Variants in MED30 observed in about 807,000 individuals in gnomAD.
The protein encoded by MED30 is mediator complex subunit 30.
MED30 carries 8 observed loss-of-function variants against 21.7 expected under a neutral mutation model. The observed-to-expected ratio is 0.37, with a 90% CI of 0.22 to 0.67. MED30 has a LOEUF of 0.67. Ranked by LOEUF, MED30 falls within the 30% of genes least tolerant of loss-of-function variation. The probability of loss-of-function intolerance (pLI) is 0.58; values close to 1 mark genes in which losing one functional copy is unlikely to be tolerated. For synonymous variants in MED30, 79 were observed against 86.7 expected (o/e 0.91, Z 0.49); for missense variants, 203 against 228.2 (o/e 0.89, Z 0.71).
intron 1 of MED30, chr8:117,523,916 A>T: frequency 2.9e-6 from 1 of 342,714 alleles, no homozygotes; most frequent in Admixed American, 4.0e-5. Context: ...CTGGGGCAGG[A>T]GAATCGCTTG....
chr8:117,521,705 CTTTT>C (rs138146295), intron 1 of MED30, among the ~76,000 whole-genome samples: 1 of 147,506 alleles, frequency 6.8e-6, no homozygotes, highest in Non-Finnish European at 1.5e-5. Flanking sequence ...AGTATGTGGG[CTTTT>C]TTTTTTGTCT....
At chr8:117,535,555 G>T (rs1818864635) in intron 3 of MED30, among the ~76,000 whole-genome samples, 1 of 151,608 alleles carries the variant, frequency 6.6e-6, no homozygotes, top group African/African-American at 2.4e-5. Context: ...TTCCGTAATG[G>T]CACACACACC....
At chr8:117,532,824 G>T (rs1586864418) in intron 3 of MED30, among the ~76,000 whole-genome samples, 1 of 151,966 alleles carries the variant, frequency 6.6e-6, no homozygotes, top group South Asian at 2.1e-4. Flanking sequence ...TTGGTAGAGG[G>T]TGAGGAGGAG....
chr8:117,540,043 C>G lies in MED30; in HGVS notation c.*65C>G. 1 of 912,566 alleles carries G rather than the reference C, an allele frequency of 1.1e-6. No individual in the cohort carries two copies. Among genetic ancestry groups the G allele is most frequent in the Non-Finnish European group, 1.6e-6 (1 of 619,448 alleles). The allele number at this position is 912,566 out of a possible 1,614,324, so 56.5% of individuals were successfully genotyped here. ...TTGTTTTTTCCCTCAAGTATTTTTT[C>G]CCTGTGAAGAAGATTATTTATCTGC... On this transcript the variant is annotated 3_prime_UTR_variant, in exon 4 of 4. Coordinates refer to ENST00000297347, the MANE Select transcript of MED30 (RefSeq NM_080651.4).
chr8:117,531,448 A>G (rs1818790676), intron 3 of MED30, among the ~76,000 whole-genome samples: 1 of 152,030 alleles, frequency 6.6e-6, no homozygotes, highest in Non-Finnish European at 1.5e-5. Context: ...TGACAAATAT[A>G]GATTGCCCCT....
At chr8:117,526,898 T>C (rs1057301088) in intron 1 of MED30, among the ~76,000 whole-genome samples, 3 of 152,026 alleles carry the variant, frequency 2.0e-5, no homozygotes, top group African/African-American at 7.2e-5. Context: ...ACAGTATTTA[T>C]CAAGAGTTCT....
At chr8:117,535,308 G>T (rs1199363965) in intron 3 of MED30, among the ~76,000 whole-genome samples, 2 of 145,194 alleles carry the variant, frequency 1.4e-5, no homozygotes, top group African/African-American at 5.2e-5. Context: ...GCAGTGGCAC[G>T]ATCTCGGCTC....
At position 117,520,784 on chromosome 8, in the gene MED30, G is replaced by A. The variant is rs1047731937; in HGVS notation, c.-93G>A. 3 of 1,324,074 alleles carry A rather than the reference G, an allele frequency of 2.3e-6. No homozygotes were observed. The highest frequency in any genetic ancestry group is 3.0e-6 in the Non-Finnish European group (3 of 993,786). 82.0% of individuals were successfully genotyped at this position (1,324,074 alleles called of 1,614,324 possible). ...GGGCCGCGGGGGGTCTCTCAAGCTG[G>A]TTCCAACGCTGAGGCCCCACAGCCT... On this transcript the variant is annotated 5_prime_UTR_variant, in exon 1 of 4. Coordinates refer to ENST00000297347, the MANE Select transcript of MED30 (RefSeq NM_080651.4).
At chr8:117,535,526 C>T (rs1048738806) in intron 3 of MED30, among the ~76,000 whole-genome samples, 1 of 151,866 alleles carries the variant, frequency 6.6e-6, no homozygotes, top group Non-Finnish European at 1.5e-5. Context: ...CTGCACCCAG[C>T]CGATACATCT....
At chr8:117,538,905 A>C (rs1476381192) in intron 3 of MED30, among the ~76,000 whole-genome samples, 1 of 152,204 alleles carries the variant, frequency 6.6e-6, no homozygotes, top group Non-Finnish European at 1.5e-5. Context: ...AGGAGATTGC[A>C]ATTCATGCTA....
chr8:117,539,238 A>G (rs1264586931), intron 3 of MED30, among the ~76,000 whole-genome samples: 3 of 152,210 alleles, frequency 2.0e-5, no homozygotes, highest in Admixed American at 1.3e-4. Flanking sequence ...TCATGCCTGT[A>G]ATCCCAGCAC....
Position 117,520,747 on chromosome 8 carries a change from T to A in MED30, c.-130T>A. On this transcript the variant is annotated 5_prime_UTR_variant, in exon 1 of 4. Transcript: ENST00000297347. ...CACAGTGGGCGGAAGTCGCGGCCGCTGTTTTGAAATCGGGCCGCGGGGGGT... is the reference window on the plus strand; with the variant it reads ...CACAGTGGGCGGAAGTCGCGGCCGCAGTTTTGAAATCGGGCCGCGGGGGGT... 1.1e-6 allele frequency: 1 copy of A among 896,310 alleles called. No individual in the cohort carries two copies. The highest frequency in any genetic ancestry group is 1.8e-5 in the South Asian group (1 of 55,816). The allele number at this position is 896,310 out of a possible 1,614,324, so 55.5% of individuals were successfully genotyped here. A position where few individuals can be genotyped will look rare whatever the true frequency, so the allele number is the denominator to read the frequency against.
At chr8:117,535,797 G>A (rs1818870210) in intron 3 of MED30, among the ~76,000 whole-genome samples, 1 of 151,966 alleles carries the variant, frequency 6.6e-6, no homozygotes, top group Non-Finnish European at 1.5e-5. Context: ...AGGTGATAGA[G>A]TTTTAAAGTT....
In MED30 at chr8:117,525,417, C is replaced by T. The variant is rs118036667; in HGVS notation, c.178-3234C>T. Among the ~76,000 whole-genome samples the T allele has an allele frequency of 3.2e-3, 475 of 150,134 alleles. 4 individuals carry two copies. Among genetic ancestry groups the T allele is most frequent in the East Asian group, 0.03 (153 of 5,114 alleles). ...TATTTACATACTAGAGAAACCTGCT[C>T]TGTGTGATACAACTTAAAGTTATTT... is the stretch of plus-strand genomic sequence containing the variant. On this transcript the variant is annotated intron_variant, in intron 1 of 3. Coordinates refer to ENST00000297347, the MANE Select transcript of MED30 (RefSeq NM_080651.4).
At chr8:117,537,369 C>T (rs566118766) in intron 3 of MED30, among the ~76,000 whole-genome samples, 5 of 152,226 alleles carry the variant, frequency 3.3e-5, no homozygotes, top group African/African-American at 9.6e-5. Context: ...AATCCTATAT[C>T]GTGTCATGAA....
chr8:117,534,847 A>ATTTT (rs375406295), intron 3 of MED30, among the ~76,000 whole-genome samples: 11 of 60,510 alleles, frequency 1.8e-4, no homozygotes, highest in East Asian at 3.2e-4. Context: ...AGGCAAACAA[A>ATTTT]TTGTTTTTTT....
At chr8:117,532,198 C>T (rs1353816539) in intron 3 of MED30, among the ~76,000 whole-genome samples, 1 of 151,834 alleles carries the variant, frequency 6.6e-6, no homozygotes, top group Non-Finnish European at 1.5e-5. Context: ...AGTTTTAATA[C>T]AGTAACAATC....
chr8:117,525,342 T>C (rs1350141844), intron 1 of MED30, among the ~76,000 whole-genome samples: 2 of 150,704 alleles, frequency 1.3e-5, no homozygotes, highest in African/African-American at 4.9e-5. Context: ...CATTTGTCTG[T>C]CTTTTTTTTT....
intron 1 of MED30, among the ~76,000 whole-genome samples, chr8:117,521,542 A>C (rs577255939): frequency 6.6e-6 from 1 of 152,318 alleles, no homozygotes; most frequent in Admixed American, 6.5e-5. Context: ...TTATCACCAC[A>C]ATCAAAATAG....
Sources: allele counts gnomAD v4.1 joint callset (sites outside exome capture counted in the v4.1 genomes callset), GRCh38; gene constraint gnomAD v4.1.1; transcripts MANE v1.5; gene names NCBI Gene and HGNC (gene_info 2026-07-23, HGNC 2026-07-21).